The following CLASP1 variants were observed in gnomAD, a reference collection of about 807,000 sequenced individuals.
The protein encoded by CLASP1 is CLIP-associating protein 1.
CLASP1 carries 38 observed loss-of-function variants against 192.3 expected under a neutral mutation model. The ratio of observed to expected loss-of-function variants is 0.20; its 90% confidence interval spans 0.15 to 0.26. The LOEUF is 0.26. Among genes scored for constraint, CLASP1 ranks in the 10% least tolerant of loss-of-function variants. CLASP1 has a pLI of 1.00. For synonymous variants in CLASP1, 691 were observed against 712.8 expected, an observed-to-expected ratio of 0.97 and a Z score of 0.49; for missense variants, 1,433 against 1,932.5, an observed-to-expected ratio of 0.74 and a Z score of 4.85.
chr2:121,616,009 G>A (rs772060790), intron 1 of CLASP1, among the ~76,000 whole-genome samples: 7 of 152,086 alleles, frequency 4.6e-5, no homozygotes, highest in Admixed American at 6.6e-5. Flanking sequence ...TACAGCATGT[G>A]GGGCGTAAGA....
intron 23 of CLASP1, among the ~76,000 whole-genome samples, chr2:121,417,950 G>A (rs1001670922): frequency 7.2e-5 from 11 of 152,126 alleles, no homozygotes; most frequent in African/African-American, 1.9e-4. Context: ...TGATTTCTAC[G>A]TTTATGCTTA....
chr2:121,618,933 T>C (rs2066894399), intron 1 of CLASP1, among the ~76,000 whole-genome samples: 1 of 152,190 alleles, frequency 6.6e-6, no homozygotes, highest in Non-Finnish European at 1.5e-5. Flanking sequence ...ACAAGTCATC[T>C]CTGAACTGGA....
At chr2:121,396,210 T>G (rs1412986186) in intron 30 of CLASP1, among the ~76,000 whole-genome samples, 1 of 152,098 alleles carries the variant, frequency 6.6e-6, no homozygotes, top group East Asian at 1.9e-4. Flanking sequence ...GGGTATAAGT[T>G]AGGTGTGAAG....
exon 16 of CLASP1, chr2:121,450,938 A>C: frequency 6.2e-7 from 1 of 1,611,356 alleles, no homozygotes. Flanking sequence ...CTTGCTTCGG[A>C]ATCAGCATCA....
intron 37 of CLASP1, among the ~76,000 whole-genome samples, chr2:121,349,184 G>A (rs1474656790): frequency 1.3e-5 from 2 of 151,906 alleles, no homozygotes; most frequent in African/African-American, 4.8e-5. Context: ...AGCTTGCAGT[G>A]AGCCAAGATC....
intron 19 of CLASP1, among the ~76,000 whole-genome samples, chr2:121,435,305 G>A (rs534861208): frequency 5.3e-4 from 81 of 151,616 alleles, no homozygotes; most frequent in Non-Finnish European, 9.4e-4. Flanking sequence ...GCAGAGTTTC[G>A]TTCTCGTTGC....
chr2:121,450,792 G>A, intron 16 of CLASP1, 121 bp downstream of exon 16: 1 of 673,998 alleles, frequency 1.5e-6, no homozygotes. Flanking sequence ...TGGGGGTCAT[G>A]TTTAAAAGTC....
chr2:121,601,804 G>A (rs570594657), intron 2 of CLASP1, among the ~76,000 whole-genome samples: 3 of 152,166 alleles, frequency 2.0e-5, no homozygotes, highest in East Asian at 1.9e-4. Context: ...AAATCGGTAC[G>A]GTTACAGGAT....
rs765906028 is a variant in CLASP1, at chr2:121,530,896, G to A, written c.196-571C>T. On this transcript the variant is annotated intron_variant, in intron 2 of 39. Transcript: ENST00000263710. ...TTCTATTATAACCATCCTTTTCTTG[G>A]GGTTGCGCTACTGTCCAATGAGCGC... 5.3e-5 allele frequency: 37 copies of A among 694,626 alleles called. No homozygotes were observed. The highest frequency in any genetic ancestry group is 8.9e-5 in the South Asian group (6 of 67,326). 43.0% of individuals were successfully genotyped at this position (694,626 alleles called of 1,614,324 possible). A position where few individuals can be genotyped will look rare whatever the true frequency, so the allele number is the denominator to read the frequency against.
At chr2:121,438,406 A>C (rs926588106) in intron 19 of CLASP1, among the ~76,000 whole-genome samples, 7 of 152,096 alleles carry the variant, frequency 4.6e-5, no homozygotes, top group Non-Finnish European at 1.0e-4. Context: ...GATAAAGAGG[A>C]TTTTTTGTGT....
rs1055333530 is a variant in CLASP1 at position 121,392,710 on chromosome 2, A to G, written c.3123+4430T>C. Among the ~76,000 whole-genome samples, 9 of 152,372 alleles carry G rather than the reference A, an allele frequency of 5.9e-5. No individual in the cohort carries two copies. In the South Asian group the frequency reaches 1.9e-3, roughly 32 times the overall value. ...AAACTCCAGAACCCACCTTCTTTCT[A>G]TCAGTAATATATACTATTATCTTAC... On this transcript the variant is annotated intron_variant, in intron 30 of 39. Coordinates refer to ENST00000263710, the Ensembl canonical transcript of CLASP1.
chr2:121,574,634 C>CAAAAA (rs1173756631), intron 2 of CLASP1, among the ~76,000 whole-genome samples: 1 of 79,024 alleles, frequency 1.3e-5, no homozygotes. Flanking sequence ...GACTCCATAT[C>CAAAAA]AAAAAAAAAA....
intron 8 of CLASP1, among the ~76,000 whole-genome samples, chr2:121,502,732 G>A (rs907304920): frequency 6.6e-5 from 10 of 152,150 alleles, no homozygotes; most frequent in Admixed American, 1.3e-4. Flanking sequence ...GGAGGATTAG[G>A]AAGAAGATTA....
chr2:121,564,507 T>C (rs574202569), intron 2 of CLASP1, among the ~76,000 whole-genome samples: 26 of 152,188 alleles, frequency 1.7e-4, no homozygotes, highest in Non-Finnish European at 2.8e-4. Flanking sequence ...AGTGACAGAT[T>C]TATCACCTGT....
At chr2:121,606,603 T>C (rs376868120) in intron 1 of CLASP1, among the ~76,000 whole-genome samples, 1 of 152,186 alleles carries the variant, frequency 6.6e-6, no homozygotes, top group African/African-American at 2.4e-5. Flanking sequence ...AAACCAAGTA[T>C]GGGAAATGAG....
intron 9 of CLASP1, among the ~76,000 whole-genome samples, chr2:121,463,658 C>G (rs2088653980): frequency 6.6e-6 from 1 of 152,092 alleles, no homozygotes; most frequent in African/African-American, 2.4e-5. Flanking sequence ...CCTAAGCTAT[C>G]TGATGAGGAG....
At chr2:121,569,456 A>AT (rs1182291586) in intron 2 of CLASP1, among the ~76,000 whole-genome samples, 12 of 152,392 alleles carry the variant, frequency 7.9e-5, no homozygotes, top group Admixed American at 7.8e-4. Context: ...GCACAAGGTC[A>AT]TTAACCCTTT....
At chr2:121,528,579 A>C (rs2094644834) in intron 4 of CLASP1, 98 bp downstream of exon 4, 17 of 886,828 alleles carry the variant, frequency 1.9e-5, no homozygotes, top group Middle Eastern at 2.5e-4. Context: ...GCTTAAGTCT[A>C]TGGAGTCACA....
chr2:121,439,392 C>T (rs1308037411), intron 19 of CLASP1, among the ~76,000 whole-genome samples: 1 of 152,004 alleles, frequency 6.6e-6, no homozygotes, highest in Non-Finnish European at 1.5e-5. Context: ...TTTGCTCTTG[C>T]TTTTCTAGTT....
Sources: allele counts gnomAD v4.1 joint callset (sites outside exome capture counted in the v4.1 genomes callset), GRCh38; gene constraint gnomAD v4.1.1; transcripts MANE v1.5; gene names NCBI Gene and HGNC (gene_info 2026-07-23, HGNC 2026-07-21).